Variants in SUGCT observed in about 807,000 individuals in gnomAD.
SUGCT encodes succinyl-CoA:glutarate-CoA transferase.
In SUGCT, 41 loss-of-function variants were observed where a neutral mutation model predicts 55.0. That is an observed-to-expected ratio of 0.74 (90% CI 0.58 to 0.97). SUGCT has a LOEUF of 0.97. SUGCT is among the 50% of genes least tolerant of loss of function. SUGCT has a pLI of 0.00. For synonymous variants in SUGCT, 187 were observed against 200.4 expected, an observed-to-expected ratio of 0.93 and a Z score of 0.56; for missense variants, 568 against 547.8, an observed-to-expected ratio of 1.04 and a Z score of -0.37.
chr7:40,386,625 A>G (rs1479397486), intron 9 of SUGCT, among the ~76,000 whole-genome samples: 1 of 152,184 alleles, frequency 6.6e-6, no homozygotes, highest in Non-Finnish European at 1.5e-5. Flanking sequence ...CAACTGAGAA[A>G]AAGCCTTTTC....
At chr7:40,157,012 CAAAAA>C (rs3046489) in intron 1 of SUGCT, among the ~76,000 whole-genome samples, 1 of 116,858 alleles carries the variant, frequency 8.6e-6, no homozygotes, top group Non-Finnish European at 1.8e-5. Flanking sequence ...AAGACTGTCT[CAAAAA>C]AAAAAAAAAA....
chr7:40,413,736 C>T (rs1452176573), intron 9 of SUGCT, among the ~76,000 whole-genome samples: 2 of 151,936 alleles, frequency 1.3e-5, no homozygotes, highest in Non-Finnish European at 2.9e-5. Flanking sequence ...GCAGGAAAAT[C>T]CTAATTGTAA....
intron 13 of SUGCT, among the ~76,000 whole-genome samples, chr7:40,765,687 A>C (rs1352299807): frequency 6.6e-6 from 1 of 152,180 alleles, no homozygotes; most frequent in Admixed American, 6.5e-5. Flanking sequence ...TAAAGGGTTT[A>C]GGAGGTAATA....
intron 8 of SUGCT, among the ~76,000 whole-genome samples, chr7:40,295,685 ATGT>A (rs1794090829): frequency 2.0e-5 from 3 of 152,224 alleles, no homozygotes; most frequent in South Asian, 4.1e-4. Context: ...ATTGGCCATA[ATGT>A]TGTGGCTTCG....
chr7:40,475,988 G>C (rs1021645404), intron 11 of SUGCT, among the ~76,000 whole-genome samples: 1 of 152,080 alleles, frequency 6.6e-6, no homozygotes. Flanking sequence ...GGTATAGCAG[G>C]GGGGTGGGAT....
intron 12 of SUGCT, among the ~76,000 whole-genome samples, chr7:40,523,623 A>G (rs1180193424): frequency 6.6e-6 from 1 of 152,058 alleles, no homozygotes; most frequent in Non-Finnish European, 1.5e-5. Flanking sequence ...GGTCCCATTG[A>G]AGGTTCTAGG....
intron 12 of SUGCT, among the ~76,000 whole-genome samples, chr7:40,739,565 C>T (rs370363833): frequency 3.9e-5 from 6 of 151,926 alleles, no homozygotes; most frequent in African/African-American, 7.2e-5. Flanking sequence ...ATCTATGATC[C>T]GTTTTGAATT....
rs1490930298 is a variant in SUGCT, at chr7:40,180,909, T to A, written c.101-38T>A. On this transcript the variant is annotated intron_variant, in intron 1 of 13. Coordinates refer to ENST00000335693, the MANE Select transcript of SUGCT (RefSeq NM_001193313.2). ...GTATGTGAAAATGTAAGAAAATTACTAATGAATTATCTTGAAATGTTTTCT... is the reference window on the plus strand; with the variant it reads ...GTATGTGAAAATGTAAGAAAATTACAAATGAATTATCTTGAAATGTTTTCT... 2.8e-6 allele frequency: 4 copies of A among 1,453,894 alleles called. No individual in the cohort carries two copies. In the African/African-American group the frequency reaches 4.2e-5, roughly 15 times the overall value. 90.1% of individuals were successfully genotyped at this position (1,453,894 alleles called of 1,614,324 possible).
the SUGCT span, among the ~76,000 whole-genome samples, chr7:40,871,282 C>G: frequency 6.6e-6 from 1 of 152,158 alleles, no homozygotes; most frequent in Admixed American, 6.5e-5. Context: ...ATGGCATCTT[C>G]CTTTTATGCT....
At chr7:40,955,753 A>G in the SUGCT span, among the ~76,000 whole-genome samples, 1 of 152,144 alleles carries the variant, frequency 6.6e-6, no homozygotes, top group African/African-American at 2.4e-5. Context: ...TCAGTATGAT[A>G]TTGGCTGTGG....
chr7:40,303,835 C>T (rs13238301), intron 8 of SUGCT, among the ~76,000 whole-genome samples: 2 of 152,102 alleles, frequency 1.3e-5, no homozygotes, highest in African/African-American at 2.4e-5. Context: ...TTGGCTCATG[C>T]CTGTAATCCT....
chr7:40,970,951 C>T, the SUGCT span, among the ~76,000 whole-genome samples: 34,764 of 151,992 alleles, frequency 0.23, 4,961 homozygotes, highest in African/African-American at 0.4. Context: ...CTCTGACTTA[C>T]GTTTTTAAAA....
At chr7:40,432,042 C>T (rs1787921091) in intron 9 of SUGCT, among the ~76,000 whole-genome samples, 1 of 151,790 alleles carries the variant, frequency 6.6e-6, no homozygotes. Flanking sequence ...ACTGTTTTTT[C>T]TAGTACTTTC....
intron 11 of SUGCT, among the ~76,000 whole-genome samples, chr7:40,471,325 A>T (rs1790391859): frequency 6.6e-6 from 1 of 151,772 alleles, no homozygotes; most frequent in Non-Finnish European, 1.5e-5. Context: ...TAAAAAAAGT[A>T]CTAAAATACT....
At chr7:40,533,987 A>G (rs1268786447) in intron 12 of SUGCT, among the ~76,000 whole-genome samples, 1 of 152,158 alleles carries the variant, frequency 6.6e-6, no homozygotes, top group Non-Finnish European at 1.5e-5. Flanking sequence ...CATCCAAAAG[A>G]CATATGTGAC....
intron 12 of SUGCT, chr7:40,684,158 C>T (rs939534828): frequency 6.4e-7 from 1 of 1,564,356 alleles, no homozygotes; most frequent in Non-Finnish European, 8.6e-7. Flanking sequence ...TCTCTTACTA[C>T]ATCTCACTTC....
intron 9 of SUGCT, among the ~76,000 whole-genome samples, chr7:40,371,848 T>A (rs1784308964): frequency 6.6e-6 from 1 of 152,076 alleles, no homozygotes; most frequent in East Asian, 1.9e-4. Flanking sequence ...TTTTCTTCCA[T>A]CTAATTTAAA....
intron 11 of SUGCT, among the ~76,000 whole-genome samples, chr7:40,486,306 T>C (rs1410255622): frequency 6.6e-6 from 1 of 152,226 alleles, no homozygotes; most frequent in Non-Finnish European, 1.5e-5. Flanking sequence ...TATTTTGTGA[T>C]GTCAGTTGTA....
intron 13 of SUGCT, among the ~76,000 whole-genome samples, chr7:40,842,147 C>A (rs1793308899): frequency 6.6e-6 from 1 of 151,878 alleles, no homozygotes; most frequent in South Asian, 2.1e-4. Flanking sequence ...TGTTTGTGTA[C>A]CACAACAGAC....
Sources: gnomAD v4.1 joint callset for allele counts (sites outside exome capture counted in the v4.1 genomes callset) on GRCh38, gnomAD v4.1.1 for gene constraint, MANE v1.5 for transcripts, NCBI Gene and HGNC (gene_info 2026-07-23, HGNC 2026-07-21) for gene names.